EPB41L2: variants seen among roughly 807,000 people sequenced by gnomAD.
EPB41L2 encodes the protein band 4.1-like protein 2.
Under a neutral mutation model 113.0 loss-of-function variants are expected in EPB41L2, and 43 were observed. The observed-to-expected ratio is 0.38, with a 90% confidence interval of 0.30 to 0.49. The LOEUF (loss-of-function observed/expected upper bound fraction) is 0.49, where lower values mean the gene tolerates loss of function less well. EPB41L2 is among the 20% of genes least tolerant of loss of function. The pLI, the probability that EPB41L2 is intolerant of heterozygous loss-of-function variation, is 0.95. For synonymous variants in EPB41L2, 442 were observed against 436.7 expected (o/e 1.01, Z -0.15); for missense variants, 1,147 against 1,223.4 (o/e 0.94, Z 0.93).
intron 1 of EPB41L2, among the ~76,000 whole-genome samples, chr6:131,061,428 G>A (rs1276052934): frequency 6.6e-6 from 1 of 152,138 alleles, no homozygotes; most frequent in Non-Finnish European, 1.5e-5. Flanking sequence ...ATGACCACTC[G>A]AGCTCTGACA....
chr6:130,924,304 T>C (rs1343226768), intron 4 of EPB41L2, among the ~76,000 whole-genome samples: 1 of 152,186 alleles, frequency 6.6e-6, no homozygotes, highest in Admixed American at 6.5e-5. Context: ...TAAACATGGG[T>C]AAACAAATAT....
chr6:131,003,579 T>G (rs1245673462), intron 1 of EPB41L2, among the ~76,000 whole-genome samples: 2 of 152,090 alleles, frequency 1.3e-5, no homozygotes, highest in Non-Finnish European at 2.9e-5. Context: ...TAGTCTAAAA[T>G]CCCTTTCTCC....
chr6:131,010,353 C>T (rs1457569222), intron 1 of EPB41L2, among the ~76,000 whole-genome samples: 2 of 151,972 alleles, frequency 1.3e-5, no homozygotes, highest in African/African-American at 4.8e-5. Flanking sequence ...TGCTGGACAT[C>T]AAGGGCCATT....
chr6:130,975,028 G>A (rs997229357), intron 1 of EPB41L2, among the ~76,000 whole-genome samples: 12 of 152,180 alleles, frequency 7.9e-5, no homozygotes, highest in Admixed American at 7.9e-4. Flanking sequence ...TGAACCCAGA[G>A]AGGTGAAATA....
At chr6:130,987,924 G>A (rs1326802044) in intron 1 of EPB41L2, among the ~76,000 whole-genome samples, 1 of 151,840 alleles carries the variant, frequency 6.6e-6, no homozygotes, top group Non-Finnish European at 1.5e-5. Flanking sequence ...ACCAGCCTGG[G>A]CAACATGGTG....
intron 2 of EPB41L2, 109 bp from the exon 3 acceptor site, chr6:130,955,426 G>A: frequency 9.6e-7 from 1 of 1,038,256 alleles, no homozygotes; most frequent in Non-Finnish European, 1.4e-6. Flanking sequence ...TTTAAACACT[G>A]TAACTTTCAG....
At chr6:130,883,395 T>C (rs1455340049) in intron 12 of EPB41L2, among the ~76,000 whole-genome samples, 1 of 152,200 alleles carries the variant, frequency 6.6e-6, no homozygotes, top group Non-Finnish European at 1.5e-5. Flanking sequence ...AATTTATACA[T>C]ATGACTCATT....
At chr6:130,928,467 T>C (rs191909177) in intron 3 of EPB41L2, among the ~76,000 whole-genome samples, 1 of 152,370 alleles carries the variant, frequency 6.6e-6, no homozygotes, top group Admixed American at 6.5e-5. Flanking sequence ...GTTATGATGC[T>C]ATTTGAAATT....
intron 14 of EPB41L2, among the ~76,000 whole-genome samples, 158 bp downstream of exon 14, chr6:130,877,946 T>C (rs1183946772): frequency 6.6e-6 from 1 of 152,180 alleles, no homozygotes. Context: ...AACTATTACA[T>C]TGTTAATATT....
At chr6:130,980,041 G>A (rs745418410) in intron 1 of EPB41L2, among the ~76,000 whole-genome samples, 7 of 152,148 alleles carry the variant, frequency 4.6e-5, no homozygotes, top group Non-Finnish European at 1.0e-4. Context: ...AACTACTGAC[G>A]AGAAAGAAGA....
chr6:130,885,512 G>A (rs1427075579), intron 11 of EPB41L2, among the ~76,000 whole-genome samples: 2 of 152,152 alleles, frequency 1.3e-5, no homozygotes, highest in Admixed American at 6.6e-5. Flanking sequence ...CACAGGTATT[G>A]GAAGGATAAA....
At position 131,027,955 on chromosome 6, in the gene EPB41L2, C is replaced by T. The variant is rs866558778; in HGVS notation, c.-15+35200G>A. ...TATAATATACTTATTTGGTGTCTGC[C>T]GAGATCATTTCAAAAGACCTGACAA... is the stretch of plus-strand genomic sequence containing the variant. On this transcript the variant is annotated intron_variant, in intron 1 of 19. Transcript: ENST00000337057. 5.9e-5 allele frequency among the ~76,000 whole-genome samples: 9 copies of T among 151,974 alleles called. No homozygotes were observed. In the South Asian group the frequency reaches 1.0e-3, roughly 18 times the overall value.
intron 1 of EPB41L2, among the ~76,000 whole-genome samples, chr6:130,994,191 T>C (rs1432654745): frequency 6.6e-6 from 1 of 152,110 alleles, no homozygotes; most frequent in South Asian, 2.1e-4. Flanking sequence ...TAAAATGGGC[T>C]AAGAGTAATG....
intron 1 of EPB41L2, among the ~76,000 whole-genome samples, chr6:131,047,026 G>A (rs186724251): frequency 6.6e-6 from 1 of 152,124 alleles, no homozygotes; most frequent in Non-Finnish European, 1.5e-5. Flanking sequence ...GACAGCCTGG[G>A]TTCAAACCGC....
chr6:131,004,370 T>C (rs901175063), intron 1 of EPB41L2, among the ~76,000 whole-genome samples: 1 of 152,168 alleles, frequency 6.6e-6, no homozygotes, highest in Non-Finnish European at 1.5e-5. Flanking sequence ...GCAGGTAGAA[T>C]AACAGTTTCT....
intron 19 of EPB41L2, among the ~76,000 whole-genome samples, chr6:130,843,686 G>A (rs1038570717): frequency 2.0e-5 from 3 of 152,194 alleles, no homozygotes; most frequent in African/African-American, 4.8e-5. Context: ...GTTCCACCCT[G>A]GCCTATACAA....
intron 1 of EPB41L2, among the ~76,000 whole-genome samples, chr6:130,990,743 G>A (rs1025730632): frequency 1.1e-4 from 16 of 151,960 alleles, no homozygotes; most frequent in African/African-American, 2.9e-4. Flanking sequence ...ATAATAATAC[G>A]AATGAGTATG....
At chr6:130,869,413 G>A in intron 15 of EPB41L2, 150 bp downstream of exon 15, 2 of 752,908 alleles carry the variant, frequency 2.7e-6, no homozygotes, top group Non-Finnish European at 4.2e-6. Flanking sequence ...AATCCACAAA[G>A]CAGTGCTTCC....
At chr6:130,968,938 A>G (rs1325669185) in intron 1 of EPB41L2, among the ~76,000 whole-genome samples, 1 of 152,176 alleles carries the variant, frequency 6.6e-6, no homozygotes, top group African/African-American at 2.4e-5. Context: ...ATGCTGGAGA[A>G]TATGTCAGGC....
Sources: gnomAD v4.1 joint callset for allele counts (sites outside exome capture counted in the v4.1 genomes callset) on GRCh38, gnomAD v4.1.1 for gene constraint, MANE v1.5 for transcripts, NCBI Gene and HGNC (gene_info 2026-07-23, HGNC 2026-07-21) for gene names.